MYH11: variants seen among roughly 807,000 people sequenced by gnomAD.
MYH11 encodes the protein myosin heavy chain 11.
Under a neutral mutation model 246.6 loss-of-function variants are expected in MYH11, and 80 were observed. The ratio of observed to expected loss-of-function variants is 0.32; its 90% CI spans 0.27 to 0.39. The LOEUF (loss-of-function observed/expected upper bound fraction) is 0.39. Among genes scored for constraint, MYH11 ranks in the 10% least tolerant of loss-of-function variants. The pLI is 1.00. For missense variants in MYH11, 2,158 were observed against 2,546.8 expected, an observed-to-expected ratio of 0.85 and a Z score of 3.29; for synonymous variants, 1,071 against 1,015.5, an observed-to-expected ratio of 1.05 and a Z score of -1.04.
At chr16:15,851,640 G>C (rs993658630) in intron 1 of MYH11, among the ~76,000 whole-genome samples, 3 of 151,974 alleles carry the variant, frequency 2.0e-5, no homozygotes, top group Non-Finnish European at 2.9e-5. Flanking sequence ...CCTCCCAAGG[G>C]CTTGTTCCCA....
chr16:15,728,829 G>A (rs989894916), intron 27 of MYH11, among the ~76,000 whole-genome samples: 1 of 152,120 alleles, frequency 6.6e-6, no homozygotes, highest in African/African-American at 2.4e-5. Context: ...GAACCCAGGA[G>A]GCGGGGGTTG....
In MYH11 at chr16:15,745,126, C is replaced by T. The variant is rs750078792; in HGVS notation, c.2520+3G>A. 2 of 1,613,322 alleles carry T rather than the reference C, an allele frequency of 1.2e-6. No individual in the cohort carries two copies. The highest frequency in any genetic ancestry group is 1.7e-5 in the Admixed American group (1 of 60,026). On this transcript the variant is annotated splice_donor_region_variant and intron_variant, in intron 20 of 40. Coordinates refer to ENST00000300036, the MANE Select transcript of MYH11 (RefSeq NM_002474.3). Reference sequence around the variant, plus strand: ...GGGAAGGGGGCTGGGGCAGAGCACTCACTTTGGTGAAAAGCCTCCACCACT... The same window carrying T: ...GGGAAGGGGGCTGGGGCAGAGCACTTACTTTGGTGAAAAGCCTCCACCACT...
intron 3 of MYH11, among the ~76,000 whole-genome samples, chr16:15,799,026 C>T (rs1023261565): frequency 6.6e-6 from 1 of 152,234 alleles, no homozygotes; most frequent in Non-Finnish European, 1.5e-5. Context: ...TGGATCTATA[C>T]AGATTGGGGT....
intron 22 of MYH11, among the ~76,000 whole-genome samples, 186 bp from the exon 23 acceptor site, chr16:15,740,374 G>A (rs987183043): frequency 4.6e-5 from 7 of 152,004 alleles, no homozygotes; most frequent in African/African-American, 9.7e-5. Context: ...TTTGGAGGCC[G>A]AGGTGGGTGG....
chr16:15,822,232 G>A (rs1210476261), intron 3 of MYH11, among the ~76,000 whole-genome samples: 2 of 152,188 alleles, frequency 1.3e-5, no homozygotes, highest in African/African-American at 4.8e-5. Flanking sequence ...AGATCCCTGG[G>A]TTCCCACCTG....
intron 3 of MYH11, among the ~76,000 whole-genome samples, chr16:15,817,163 G>A (rs1467483987): frequency 6.6e-6 from 1 of 152,134 alleles, no homozygotes; most frequent in Admixed American, 6.6e-5. Flanking sequence ...GAAGGGAGAA[G>A]TTCACCTTTT....
At chr16:15,726,783 G>A (rs1237480560) in intron 28 of MYH11, 65 bp downstream of exon 28, 1 of 1,578,060 alleles carries the variant, frequency 6.3e-7, no homozygotes, top group Non-Finnish European at 8.7e-7. Context: ...CCGGGAAGAG[G>A]CTCCTCCCCA....
chr16:15,717,909 C>T, intron 37 of MYH11: 1 of 317,114 alleles, frequency 3.2e-6, no homozygotes, highest in Non-Finnish European at 6.1e-6. Flanking sequence ...CACCCTACAC[C>T]ACAAGGGGCT....
intron 26 of MYH11, among the ~76,000 whole-genome samples, chr16:15,734,370 C>T (rs2041054069): frequency 1.3e-5 from 2 of 152,130 alleles, no homozygotes; most frequent in African/African-American, 4.8e-5. Flanking sequence ...GCGATCTCAG[C>T]TCACTGCAAC....
chr16:15,833,702 C>G (rs1055882025), intron 2 of MYH11, among the ~76,000 whole-genome samples: 1 of 152,154 alleles, frequency 6.6e-6, no homozygotes. Context: ...CCTTGCAGAA[C>G]GGAGGAGAAA....
intron 2 of MYH11, 108 bp from the exon 3 acceptor site, chr16:15,823,519 T>A: frequency 1.4e-6 from 2 of 1,403,238 alleles, no homozygotes; most frequent in Non-Finnish European, 2.0e-6. Flanking sequence ...GAGCTTGGAG[T>A]CTTAGTGGAA....
chr16:15,738,498 G>A (rs1596758289), intron 24 of MYH11, 67 bp downstream of exon 24: 1 of 1,469,306 alleles, frequency 6.8e-7, no homozygotes, highest in Non-Finnish European at 9.2e-7. Context: ...GGGCAACAGA[G>A]CAAGACCTCA....
At chr16:15,732,208 C>G (rs995231265) in intron 27 of MYH11, among the ~76,000 whole-genome samples, 1 of 152,116 alleles carries the variant, frequency 6.6e-6, no homozygotes, top group African/African-American at 2.4e-5. Context: ...GGTGATCCAC[C>G]CAGTTTGGCC....
Position 15,724,362 on chromosome 16 carries a change from T to C in MYH11, c.4164A>G (p.Glu1388=). 6.2e-7 allele frequency: 1 copy of C among 1,614,138 alleles called. No individual in the cohort carries two copies. The highest frequency in any genetic ancestry group is 8.5e-7 in the Non-Finnish European group (1 of 1,180,020). Residue 1388 remains glutamate, a synonymous_variant, in exon 31 of 41, where the codon GAA becomes GAG. Transcript: ENST00000300036. ...ACCTCTTCTTCCCCTCTTCCAGAGC[T>C]TCCACGGTGCTGGCAAAGTCCTGCA... ...KKLQDFASTV[E]ALEEGKKRFQ...
At chr16:15,815,844 C>T (rs2043250132) in intron 3 of MYH11, among the ~76,000 whole-genome samples, 1 of 152,128 alleles carries the variant, frequency 6.6e-6, no homozygotes, top group Non-Finnish European at 1.5e-5. Context: ...TATAATCACA[C>T]ACACACACAC....
chr16:15,732,945 C>T (rs907629592), intron 26 of MYH11: 109 of 591,070 alleles, frequency 1.8e-4, no homozygotes, highest in Non-Finnish European at 3.3e-5. Context: ...CAAACAAATA[C>T]ACAAAGTAAT....
chr16:15,781,471 G>A (rs1215577559), intron 6 of MYH11, among the ~76,000 whole-genome samples: 6 of 152,146 alleles, frequency 3.9e-5, no homozygotes, highest in Non-Finnish European at 5.9e-5. Flanking sequence ...CCATCTCAGC[G>A]AGCAACAGTT....
intron 3 of MYH11, among the ~76,000 whole-genome samples, chr16:15,811,002 A>C (rs1427168849): frequency 6.6e-6 from 1 of 152,138 alleles, no homozygotes; most frequent in Non-Finnish European, 1.5e-5. Flanking sequence ...GTCTCCCTCA[A>C]ATTCATATGC....
intron 35 of MYH11, 119 bp from the exon 36 acceptor site, chr16:15,719,427 G>T (rs2040347989): frequency 8.9e-6 from 13 of 1,464,104 alleles, no homozygotes; most frequent in South Asian, 8.1e-5. Flanking sequence ...CTCAGGGGAG[G>T]CCCCGTGAAT....
Sources: allele counts gnomAD v4.1 joint callset (sites outside exome capture counted in the v4.1 genomes callset), GRCh38; gene constraint gnomAD v4.1.1; transcripts MANE v1.5; gene names NCBI Gene and HGNC (gene_info 2026-07-23, HGNC 2026-07-21).